The following ZFPM2 variants were observed in gnomAD, a reference collection of about 807,000 sequenced individuals.
ZFPM2 encodes zinc finger protein, FOG family member 2.
A neutral mutation model predicts 98.6 loss-of-function variants in ZFPM2; 20 were observed. That is an observed-to-expected ratio of 0.20 (90% confidence interval 0.14 to 0.29). The LOEUF is 0.29. ZFPM2 is among the 10% of genes least tolerant of loss of function. The pLI is 1.00. For synonymous variants in ZFPM2, 518 were observed against 502.7 expected (o/e 1.03, Z -0.41); for missense variants, 1,310 against 1,388.6 (o/e 0.94, Z 0.90).
intron 3 of ZFPM2, among the ~76,000 whole-genome samples, chr8:105,524,745 C>T (rs1369692252): frequency 6.6e-6 from 1 of 152,008 alleles, no homozygotes; most frequent in Admixed American, 6.6e-5. Context: ...GGAGGGTGTA[C>T]GAGTGCCCTT....
At chr8:105,472,627 C>A (rs1236320931) in intron 3 of ZFPM2, among the ~76,000 whole-genome samples, 3 of 152,020 alleles carry the variant, frequency 2.0e-5, no homozygotes, top group Non-Finnish European at 2.9e-5. Flanking sequence ...CTCAGCCTCC[C>A]GAGTATCTGG....
chr8:105,330,622 A>G (rs1437381935), intron 1 of ZFPM2, among the ~76,000 whole-genome samples: 4 of 78,656 alleles, frequency 5.1e-5, no homozygotes, highest in Admixed American at 2.6e-4. Flanking sequence ...ACATATATAT[A>G]TATATATATA....
At chr8:105,436,676 G>T (rs1346597045) in intron 2 of ZFPM2, among the ~76,000 whole-genome samples, 1 of 152,088 alleles carries the variant, frequency 6.6e-6, no homozygotes, top group African/African-American at 2.4e-5. Context: ...CTTTGGAGTC[G>T]GACTAACTTG....
intron 5 of ZFPM2, among the ~76,000 whole-genome samples, chr8:105,765,558 G>T (rs1309455629): frequency 6.6e-6 from 1 of 151,792 alleles, no homozygotes; most frequent in Non-Finnish European, 1.5e-5. Flanking sequence ...TAGCCAAAGT[G>T]AGTGTTGCAC....
chr8:105,532,519 A>T (rs1199397389), intron 3 of ZFPM2, among the ~76,000 whole-genome samples: 1 of 152,216 alleles, frequency 6.6e-6, no homozygotes, highest in African/African-American at 2.4e-5. Flanking sequence ...TTTGTAAAGT[A>T]AATCACAGTT....
At chr8:105,737,383 C>T (rs1812100544) in intron 5 of ZFPM2, 1 of 153,456 alleles carries the variant, frequency 6.5e-6, no homozygotes, top group Non-Finnish European at 1.5e-5. Context: ...CTCAGGATCT[C>T]TTTAATGGTT....
At chr8:105,544,939 A>C (rs1262784200) in intron 3 of ZFPM2, among the ~76,000 whole-genome samples, 1 of 152,018 alleles carries the variant, frequency 6.6e-6, no homozygotes, top group Non-Finnish European at 1.5e-5. Context: ...AGTAGCCTTG[A>C]TTTGCTTTTA....
intron 5 of ZFPM2, among the ~76,000 whole-genome samples, chr8:105,750,361 G>A (rs1164190856): frequency 1.3e-5 from 2 of 151,932 alleles, no homozygotes; most frequent in Non-Finnish European, 2.9e-5. Flanking sequence ...TTTTATCTGT[G>A]ATAAAATTTA....
chr8:105,524,692 C>A (rs1717277725), intron 3 of ZFPM2, among the ~76,000 whole-genome samples: 1 of 152,102 alleles, frequency 6.6e-6, no homozygotes, highest in South Asian at 2.1e-4. Flanking sequence ...GAGACATATG[C>A]TGTTCGTATG....
intron 4 of ZFPM2, among the ~76,000 whole-genome samples, chr8:105,633,377 G>A (rs531250731): frequency 1.3e-5 from 2 of 152,128 alleles, no homozygotes; most frequent in Non-Finnish European, 1.5e-5. Flanking sequence ...GTGAATGCCG[G>A]TTCACGGTGA....
At chr8:105,452,752 A>AAACAAC (rs988122119) in intron 3 of ZFPM2, among the ~76,000 whole-genome samples, 1 of 151,962 alleles carries the variant, frequency 6.6e-6, no homozygotes, top group Admixed American at 6.6e-5. Flanking sequence ...ACCCTGTCTC[A>AAACAAC]AACAACAACA....
chr8:105,713,294 CAT>C (rs1811445849), intron 5 of ZFPM2, among the ~76,000 whole-genome samples: 1 of 151,724 alleles, frequency 6.6e-6, no homozygotes. Flanking sequence ...GTGATTTTTT[CAT>C]ATGTTTGTTG....
chr8:105,587,058 C>A (rs1586481450), intron 4 of ZFPM2, among the ~76,000 whole-genome samples: 1 of 151,374 alleles, frequency 6.6e-6, no homozygotes, highest in East Asian at 2.0e-4. Context: ...TGGTGGATCA[C>A]AAGGTCAGGA....
At chr8:105,515,842 G>C (rs1330865652) in intron 3 of ZFPM2, among the ~76,000 whole-genome samples, 6 of 150,596 alleles carry the variant, frequency 4.0e-5, no homozygotes, top group Admixed American at 2.7e-4. Context: ...CATTAACTCT[G>C]ATTGCTCTGG....
intron 2 of ZFPM2, among the ~76,000 whole-genome samples, chr8:105,443,734 A>T (rs1812312563): frequency 6.6e-6 from 1 of 152,204 alleles, no homozygotes; most frequent in South Asian, 2.1e-4. Flanking sequence ...TGAGGAGTTG[A>T]GTCACTGGCT....
At chr8:105,613,245 G>A (rs1330639224) in intron 4 of ZFPM2, among the ~76,000 whole-genome samples, 1 of 152,066 alleles carries the variant, frequency 6.6e-6, no homozygotes, top group Non-Finnish European at 1.5e-5. Flanking sequence ...GCACACCATG[G>A]TGAAAAGGGA....
chr8:105,485,104 C>T (rs372846408), intron 3 of ZFPM2, among the ~76,000 whole-genome samples: 8 of 152,146 alleles, frequency 5.3e-5, no homozygotes, highest in African/African-American at 1.9e-4. Flanking sequence ...GTAAGTATCG[C>T]CCATAGAAGG....
intron 6 of ZFPM2, among the ~76,000 whole-genome samples, chr8:105,790,407 C>T (rs545004317): frequency 3.9e-5 from 6 of 152,104 alleles, no homozygotes; most frequent in East Asian, 1.9e-4. Context: ...TGTAGATATG[C>T]GGCATTATTT....
chr8:105,590,973 AG>A (rs768507372), intron 4 of ZFPM2, among the ~76,000 whole-genome samples: 1 of 152,246 alleles, frequency 6.6e-6, no homozygotes. Context: ...GGCTAATGTA[AG>A]GTTATTATAA....
Sources: gnomAD v4.1 joint callset for allele counts (sites outside exome capture counted in the v4.1 genomes callset) on GRCh38, gnomAD v4.1.1 for gene constraint, MANE v1.5 for transcripts, NCBI Gene and HGNC (gene_info 2026-07-23, HGNC 2026-07-21) for gene names.